Variants in MRPS21 observed in about 807,000 individuals in gnomAD.
MRPS21 encodes the protein small ribosomal subunit protein bS21m.
Under a neutral mutation model 9.9 loss-of-function variants are expected in MRPS21, and 8 were observed. That is an observed-to-expected ratio of 0.81 (90% CI 0.47 to 1.45). MRPS21 has a LOEUF of 1.45. Among genes scored for constraint, MRPS21 ranks in the 40% most tolerant of loss-of-function variants. MRPS21 has a pLI of 0.00. For synonymous variants in MRPS21, 40 were observed against 40.3 expected (o/e 0.99, Z 0.03); for missense variants, 101 against 118.9 (o/e 0.85, Z 0.70).
At chr1:150,306,752 C>G (rs369359954) in intron 2 of MRPS21, among the ~76,000 whole-genome samples, 107 of 152,228 alleles carry the variant, frequency 7.0e-4, no homozygotes, top group African/African-American at 2.4e-3. Context: ...ACCTCGGCCT[C>G]CCACAGTGCT....
chr1:150,297,901 C>G (rs1343826539), intron 2 of MRPS21, among the ~76,000 whole-genome samples: 1 of 151,364 alleles, frequency 6.6e-6, no homozygotes, highest in African/African-American at 2.4e-5. Flanking sequence ...TGACCTTTCT[C>G]TGGCCCTACT....
In MRPS21 at chr1:150,308,145, C is replaced by T. The variant is rs782554314; in HGVS notation, c.181C>T (p.Arg61Trp). ...RRQRESYERC[R>W]RIYNMEMARK... ...ACAGAGGGAAAGCTATGAAAGGTGC[C>T]GGCGGATCTACAACATGGAAATGGC... The change falls in exon 3 of 3, where the codon CGG becomes TGG. Residue 61 changes from arginine to tryptophan, a missense_variant. By Grantham distance (101) the Arg-to-Trp change is moderately radical. Coordinates refer to ENST00000614145, the MANE Select transcript of MRPS21 (RefSeq NM_031901.6). The T allele has an allele frequency of 3.9e-5, 62 of 1,610,042 alleles. No individual in the cohort carries two copies. Among genetic ancestry groups the T allele is most frequent in the Admixed American group, 2.3e-4 (14 of 59,932 alleles).
chr1:150,294,546 C>T (rs1653843422), intron 2 of MRPS21, 97 bp downstream of exon 2: 9 of 1,019,890 alleles, frequency 8.8e-6, no homozygotes, highest in Non-Finnish European at 1.2e-5. Flanking sequence ...CAAAACAGTG[C>T]CAGCCCAGGT....
At chr1:150,298,555 A>T (rs1653994036) in intron 2 of MRPS21, among the ~76,000 whole-genome samples, 1 of 152,232 alleles carries the variant, frequency 6.6e-6, no homozygotes. Context: ...TTAGAAAATT[A>T]GCTACTTTGA....
At chr1:150,307,371 C>T (rs1350492562) in intron 2 of MRPS21, among the ~76,000 whole-genome samples, 158 of 11,778 alleles carry the variant, frequency 0.013, no homozygotes, top group Middle Eastern at 0.053. Context: ...TTTTTTTTTT[C>T]CTTTGAGTCA....
chr1:150,308,435 G>A lies in MRPS21; in HGVS notation c.*207G>A. On this transcript the variant is annotated 3_prime_UTR_variant, in exon 3 of 3. Transcript: ENST00000614145. ...GTGAAAGAAGAAACTGAGTCTGAAA[G>A]TACTCTAGGAGTAGAATGGTATTTG... is the stretch of plus-strand genomic sequence containing the variant. 6.1e-6 allele frequency: 3 copies of A among 487,818 alleles called. No homozygotes were observed. Among genetic ancestry groups the A allele is most frequent in the Admixed American group, 6.5e-5 (2 of 30,650 alleles). The allele number at this position is 487,818 out of a possible 1,614,324, so 30.2% of individuals were successfully genotyped here.
At chr1:150,307,459 T>C (rs587707520) in intron 2 of MRPS21, among the ~76,000 whole-genome samples, 56 of 150,338 alleles carry the variant, frequency 3.7e-4, no homozygotes, top group African/African-American at 1.3e-3. Flanking sequence ...CCAGGTTCAA[T>C]TGATCCTCCC....
intron 2 of MRPS21, among the ~76,000 whole-genome samples, chr1:150,301,896 C>T (rs1654149485): frequency 6.6e-6 from 1 of 152,180 alleles, no homozygotes; most frequent in Non-Finnish European, 1.5e-5. Context: ...CCGTGCCCGG[C>T]CTCTTAGAAT....
chr1:150,302,293 A>G (rs896303710), intron 2 of MRPS21, among the ~76,000 whole-genome samples: 17 of 152,182 alleles, frequency 1.1e-4, no homozygotes, highest in Non-Finnish European at 2.5e-4. Context: ...TGAGGCCACC[A>G]CAAAATGCCT....
rs187684883 is a variant in MRPS21 at position 150,304,464 on chromosome 1, T to C, written c.84-3584T>C. On this transcript the variant is annotated intron_variant, in intron 2 of 2. Transcript: ENST00000614145. ...CAGCAATCTGTGGTGTTCTTTGAAA[T>C]AGGGTTTCACAGCCAAGCGCAGTGG... is the stretch of plus-strand genomic sequence containing the variant. Among the ~76,000 whole-genome samples, 8 of 151,582 alleles carry C rather than the reference T, an allele frequency of 5.3e-5. No individual in the cohort carries two copies. The East Asian group carries it at 1.0e-3, about 19-fold the overall frequency.
intron 2 of MRPS21, among the ~76,000 whole-genome samples, chr1:150,296,503 AGT>A (rs1346699436): frequency 1.3e-5 from 2 of 152,192 alleles, no homozygotes; most frequent in African/African-American, 2.4e-5. Flanking sequence ...TCAAGACTGT[AGT>A]GTGAGTGCAC....
At chr1:150,296,209 A>C (rs1244036125) in intron 2 of MRPS21, among the ~76,000 whole-genome samples, 1 of 152,102 alleles carries the variant, frequency 6.6e-6, no homozygotes, top group Admixed American at 6.6e-5. Context: ...TGGCCTCCCA[A>C]AGTGCTGGGA....
At chr1:150,294,475 G>T in intron 2 of MRPS21, 26 bp downstream of exon 2, 1 of 1,575,086 alleles carries the variant, frequency 6.3e-7, no homozygotes, top group South Asian at 1.1e-5. Context: ...CCAGAATCAT[G>T]CCTAGACTCT....
chr1:150,294,624 C>T (rs1229186742), intron 2 of MRPS21, among the ~76,000 whole-genome samples, 175 bp downstream of exon 2: 2 of 152,070 alleles, frequency 1.3e-5, no homozygotes, highest in Non-Finnish European at 2.9e-5. Flanking sequence ...CTGGGCCGGG[C>T]GCGGTGGCTC....
At position 150,308,222 on chromosome 1, in the gene MRPS21, C is replaced by A; in HGVS notation, c.258C>A (p.Gly86=). 6.3e-7 allele frequency: 1 copy of A among 1,589,406 alleles called. No individual in the cohort carries two copies. The highest frequency in any genetic ancestry group is 8.6e-7 in the Non-Finnish European group (1 of 1,159,424). The change falls in exon 3 of 3, where the codon GGC becomes GGA. Residue 86 remains glycine (G), a synonymous_variant. Coordinates refer to ENST00000614145, the MANE Select transcript of MRPS21 (RefSeq NM_031901.6). ...AGAATCGGGCAGATCCGTGGCAGGG[C>A]TGCTGAGGCCTGTGGGTGGGACACC... ...MRKNRADPWQ[G]C
chr1:150,304,301 G>C, intron 2 of MRPS21: 1 of 188,880 alleles, frequency 5.3e-6, no homozygotes, highest in East Asian at 1.5e-4. Flanking sequence ...ACAGAGCGAG[G>C]CCCTGCCTAC....
intron 2 of MRPS21, among the ~76,000 whole-genome samples, chr1:150,303,464 C>G (rs1214851036): frequency 3.9e-5 from 6 of 152,156 alleles, no homozygotes; most frequent in African/African-American, 1.4e-4. Flanking sequence ...TCCATTTCCT[C>G]TTTACTCTGA....
Position 150,308,069 on chromosome 1 carries a change from C to T in MRPS21, c.105C>T (p.Leu35=), listed in dbSNP as rs782236886. Residue 35 remains leucine, a synonymous_variant, in exon 3 of 3, where the codon CTC becomes CTT. Coordinates refer to ENST00000614145, the MANE Select transcript of MRPS21 (RefSeq NM_031901.6). ...TLNRILTMDG[L]IEDIKHRRYY... is the part of the protein sequence containing the mutation. Reference sequence around the variant, plus strand: ...ACAGAATCCTCACTATGGATGGGCTCATTGAGGACATTAAGCATCGGCGGT... The same window carrying T: ...ACAGAATCCTCACTATGGATGGGCTTATTGAGGACATTAAGCATCGGCGGT... The T allele has an allele frequency of 8.8e-6, 14 of 1,591,692 alleles. No individual in the cohort carries two copies. The highest frequency in any genetic ancestry group is 3.4e-5 in the Admixed American group (2 of 59,692).
chr1:150,304,228 T>A (rs1274143989), intron 2 of MRPS21: 3 of 299,944 alleles, frequency 1.0e-5, no homozygotes, highest in Non-Finnish European at 2.0e-5. Flanking sequence ...GGAGAATTGC[T>A]TGAACCTGAG....
Sources: gnomAD v4.1 joint callset for allele counts (sites outside exome capture counted in the v4.1 genomes callset) on GRCh38, gnomAD v4.1.1 for gene constraint, MANE v1.5 for transcripts, NCBI Gene and HGNC (gene_info 2026-07-23, HGNC 2026-07-21) for gene names.